Variants in MACROD2 observed in about 807,000 individuals in gnomAD.
The protein encoded by MACROD2 is mono-ADP ribosylhydrolase 2, also known as ADP-ribose glycohydrolase MACROD2.
A neutral mutation model predicts 70.4 loss-of-function variants in MACROD2; 36 were observed. The ratio of observed to expected loss-of-function variants is 0.51; its 90% confidence interval spans 0.39 to 0.68. The LOEUF is 0.68. Ranked by LOEUF, MACROD2 falls within the 30% of genes least tolerant of loss-of-function variation. MACROD2 has a pLI of 0.00. For synonymous variants in MACROD2, 172 were observed against 178.8 expected, an observed-to-expected ratio of 0.96 and a Z score of 0.30; for missense variants, 496 against 538.4, an observed-to-expected ratio of 0.92 and a Z score of 0.78.
intron 5 of MACROD2, among the ~76,000 whole-genome samples, chr20:14,862,715 A>ATAAAAATATATATATATT (rs2073384739): frequency 1.6e-5 from 1 of 63,348 alleles, no homozygotes; most frequent in Non-Finnish European, 2.7e-5. Context: ...ATATATATAT[A>ATAAAAATATATATATATT]TTTTTTTTTA....
intron 3 of MACROD2, among the ~76,000 whole-genome samples, chr20:14,413,898 T>C (rs1052022098): frequency 1.0e-4 from 1 of 9,880 alleles, no homozygotes; most frequent in Admixed American, 2.7e-3. Flanking sequence ...ATATACTCAG[T>C]GTCTACCTTT....
At chr20:14,585,189 C>T (rs1156753435) in intron 4 of MACROD2, among the ~76,000 whole-genome samples, 5 of 152,090 alleles carry the variant, frequency 3.3e-5, no homozygotes, top group East Asian at 1.9e-4. Flanking sequence ...TTTACATAGG[C>T]GGAACAGCGT....
At chr20:14,055,907 G>A (rs1188522424) in intron 2 of MACROD2, among the ~76,000 whole-genome samples, 1 of 152,044 alleles carries the variant, frequency 6.6e-6, no homozygotes, top group Non-Finnish European at 1.5e-5. Context: ...TACACACAGG[G>A]TCCTCATTGG....
At position 15,273,821 on chromosome 20, in the gene MACROD2, T is replaced by G. The variant is rs140935704; in HGVS notation, c.540+43760T>G. 2.6e-5 allele frequency among the ~76,000 whole-genome samples: 4 copies of G among 152,330 alleles called. No individual in the cohort carries two copies. In the East Asian group the frequency reaches 7.7e-4, roughly 29 times the overall value. On this transcript the variant is annotated intron_variant, in intron 6 of 17. Coordinates refer to ENST00000684519, the MANE Select transcript of MACROD2 (RefSeq NM_001351661.2). ...TATGCTCCAATTCTGTTTCCCCATC[T>G]AATAACTACAACTGTGGACAATGTA...
chr20:15,987,334 GA>G (rs891996162), intron 15 of MACROD2, among the ~76,000 whole-genome samples, 176 bp downstream of exon 15: 2 of 152,122 alleles, frequency 1.3e-5, no homozygotes, highest in African/African-American at 4.8e-5. Flanking sequence ...AGTAGCAAAA[GA>G]AAATACTCGG....
intron 5 of MACROD2, among the ~76,000 whole-genome samples, chr20:14,931,395 C>G (rs1313190546): frequency 6.6e-6 from 1 of 152,084 alleles, no homozygotes; most frequent in Non-Finnish European, 1.5e-5. Flanking sequence ...GGCCCCTGAT[C>G]CCTGTATAGT....
intron 3 of MACROD2, chr20:14,325,821 G>GCA: frequency 6.2e-7 from 1 of 1,613,858 alleles, no homozygotes; most frequent in Non-Finnish European, 8.5e-7. Context: ...TATATGCACA[G>GCA]TTCCTTGAGA....
At chr20:15,981,774 T>C (rs903600431) in intron 13 of MACROD2, among the ~76,000 whole-genome samples, 2 of 152,136 alleles carry the variant, frequency 1.3e-5, no homozygotes, top group Non-Finnish European at 2.9e-5. Context: ...ATGATACATA[T>C]TGTTTTTTTA....
At chr20:14,992,818 GA>G (rs2074916737) in intron 5 of MACROD2, among the ~76,000 whole-genome samples, 1 of 150,388 alleles carries the variant, frequency 6.6e-6, no homozygotes, top group African/African-American at 2.5e-5. Context: ...AATCAGATTT[GA>G]AAAGCCTTTT....
At chr20:15,860,040 C>A (rs1186217940) in intron 8 of MACROD2, among the ~76,000 whole-genome samples, 1 of 152,092 alleles carries the variant, frequency 6.6e-6, no homozygotes, top group African/African-American at 2.4e-5. Flanking sequence ...GAGACTGAGG[C>A]AAGAGAATCA....
intron 5 of MACROD2, among the ~76,000 whole-genome samples, chr20:14,811,618 G>T (rs1568809541): frequency 4.6e-5 from 7 of 151,978 alleles, no homozygotes; most frequent in Admixed American, 3.9e-4. Flanking sequence ...CACAGCAAAA[G>T]AAACTATTAT....
intron 5 of MACROD2, among the ~76,000 whole-genome samples, chr20:14,833,159 A>G (rs2072990787): frequency 1.3e-5 from 2 of 152,180 alleles, no homozygotes; most frequent in Non-Finnish European, 2.9e-5. Context: ...TCACTGCTGG[A>G]TTGCACTGCA....
chr20:15,636,071 C>CAAAAAAAAAAAAAAAAAAAAAA (rs1178846767), intron 8 of MACROD2, among the ~76,000 whole-genome samples: 10 of 27,940 alleles, frequency 3.6e-4, no homozygotes, highest in East Asian at 1.2e-3. Flanking sequence ...GGCTCCCTCT[C>CAAAAAAAAAAAAAAAAAAAAAA]AAAAGAAAAA....
chr20:15,306,753 A>G (rs1327662261), intron 6 of MACROD2, among the ~76,000 whole-genome samples: 1 of 152,132 alleles, frequency 6.6e-6, no homozygotes, highest in East Asian at 1.9e-4. Flanking sequence ...GTAAAAGCTC[A>G]TTTCTGTTAC....
chr20:16,047,788 G>A (rs1052495839), intron 17 of MACROD2, among the ~76,000 whole-genome samples: 1 of 152,198 alleles, frequency 6.6e-6, no homozygotes, highest in Non-Finnish European at 1.5e-5. Context: ...GCTTTAGATT[G>A]TTGATACAGA....
chr20:15,677,361 G>A (rs2050073305), intron 8 of MACROD2, among the ~76,000 whole-genome samples: 1 of 152,076 alleles, frequency 6.6e-6, no homozygotes. Flanking sequence ...ATAGAAACTC[G>A]GGCATGCGGT....
At chr20:15,817,462 C>T (rs1030238407) in intron 8 of MACROD2, among the ~76,000 whole-genome samples, 3 of 152,116 alleles carry the variant, frequency 2.0e-5, no homozygotes, top group South Asian at 4.1e-4. Flanking sequence ...TTGCTAAACA[C>T]GATACTTTCT....
At chr20:15,750,554 G>T (rs1372767567) in intron 8 of MACROD2, among the ~76,000 whole-genome samples, 3 of 138,932 alleles carry the variant, frequency 2.2e-5, no homozygotes, top group Admixed American at 7.1e-5. Flanking sequence ...TACACAGGAG[G>T]TTCCTCAAAA....
At chr20:14,718,735 C>A (rs2071427078) in intron 5 of MACROD2, among the ~76,000 whole-genome samples, 1 of 152,120 alleles carries the variant, frequency 6.6e-6, no homozygotes. Context: ...AACAAAATTT[C>A]ATTGTTTGGA....
Sources: gnomAD v4.1 joint callset for allele counts (sites outside exome capture counted in the v4.1 genomes callset) on GRCh38, gnomAD v4.1.1 for gene constraint, MANE v1.5 for transcripts, NCBI Gene and HGNC (gene_info 2026-07-23, HGNC 2026-07-21) for gene names.